Variants in GALNT18 observed in about 807,000 individuals in gnomAD.
GALNT18 encodes GalNAc-transferase 18.
GALNT18 carries 44 observed loss-of-function variants against 69.5 expected under a neutral mutation model. The observed-to-expected ratio is 0.63, with a 90% CI of 0.50 to 0.81. The LOEUF (loss-of-function observed/expected upper bound fraction) is 0.81. Ranked by LOEUF, GALNT18 falls within the 40% of genes least tolerant of loss-of-function variation. The pLI, the probability that GALNT18 is intolerant of heterozygous loss-of-function variation, is 0.00. For missense variants in GALNT18, 715 were observed against 810.0 expected, an observed-to-expected ratio of 0.88 and a Z score of 1.42; for synonymous variants, 364 against 318.2, an observed-to-expected ratio of 1.14 and a Z score of -1.53.
intron 2 of GALNT18, among the ~76,000 whole-genome samples, chr11:11,438,124 T>A (rs1590001786): frequency 1.3e-5 from 2 of 152,214 alleles, no homozygotes; most frequent in Non-Finnish European, 2.9e-5. Context: ...ATGGCCTCAC[T>A]CCAGCCTCTG....
chr11:11,372,710 G>T lies in GALNT18; in HGVS notation c.978-81C>A. ...GAGCAGTAAGGCCTTCCTATCAGGA[G>T]GGTCTGGTTCTCTTCCTTCCTTTGC... On this transcript the variant is annotated intron_variant, in intron 5 of 10. Transcript: ENST00000227756. The surrounding 1 kb of genome is among the most constrained non-coding windows in gnomAD (Gnocchi z 4.9). 9.2e-7 allele frequency: 1 copy of T among 1,083,438 alleles called. No individual in the cohort carries two copies. The allele number at this position is 1,083,438 out of a possible 1,614,324, so 67.1% of individuals were successfully genotyped here. A position where few individuals can be genotyped will look rare whatever the true frequency, so the allele number is the denominator to read the frequency against.
chr11:11,522,810 C>T (rs1857429791), intron 1 of GALNT18, among the ~76,000 whole-genome samples: 1 of 152,214 alleles, frequency 6.6e-6, no homozygotes, highest in South Asian at 2.1e-4. Context: ...CAATCTGTGC[C>T]ACTTGTTTCA....
rs980198809 is a variant in GALNT18, at chr11:11,595,149, T to C, written c.235+26210A>G. 1.3e-5 allele frequency among the ~76,000 whole-genome samples: 2 copies of C among 152,058 alleles called. No individual in the cohort carries two copies. The highest frequency in any genetic ancestry group is 2.9e-5 in the Non-Finnish European group (2 of 68,008). The stretch of plus-strand genomic sequence containing the variant: ...AAAGTGATGGTACCATTTTATATTT[T>C]GCTATGATCTGAATGTTTATTTTGC... On this transcript the variant is annotated intron_variant, in intron 1 of 10. Coordinates refer to ENST00000227756, the MANE Select transcript of GALNT18 (RefSeq NM_198516.3). This position sits in a 1 kb window ranked among gnomAD's most constrained non-coding sequence, Gnocchi z 5.2.
At chr11:11,512,197 C>T (rs558546034) in intron 1 of GALNT18, among the ~76,000 whole-genome samples, 8 of 152,162 alleles carry the variant, frequency 5.3e-5, no homozygotes, top group Non-Finnish European at 8.8e-5. Flanking sequence ...CAGGGCTGAG[C>T]CGTGTCTCCT....
At chr11:11,385,042 A>AG in intron 3 of GALNT18, among the ~76,000 whole-genome samples, 1 of 152,232 alleles carries the variant, frequency 6.6e-6, no homozygotes, top group South Asian at 2.1e-4. Context: ...GCTTCAGGTG[A>AG]GGGCCTCAGG....
chr11:11,374,442 C>G (rs1478494390), intron 5 of GALNT18, among the ~76,000 whole-genome samples: 1 of 152,210 alleles, frequency 6.6e-6, no homozygotes, highest in Admixed American at 6.5e-5. Flanking sequence ...TCTTTAAATA[C>G]GTGATGATTC....
chr11:11,473,467 C>T (rs1042857929), intron 1 of GALNT18, among the ~76,000 whole-genome samples: 8 of 152,110 alleles, frequency 5.3e-5, no homozygotes, highest in East Asian at 1.9e-4. Context: ...ATGCAAGATC[C>T]GATTAATGCT....
Position 11,396,225 on chromosome 11 carries a change from C to T in GALNT18, c.596-16961G>A, listed in dbSNP as rs1255468041. On this transcript the variant is annotated intron_variant, in intron 3 of 10. Transcript: ENST00000227756. The surrounding 1 kb of genome is among the most constrained non-coding windows in gnomAD (Gnocchi z 5.2). Reference sequence around the variant, plus strand: ...AATTTGAAAGAGCAAAGAACTGGCACGACAGCGGCTGGGTCTGTCAGTGGT... The same window carrying T: ...AATTTGAAAGAGCAAAGAACTGGCATGACAGCGGCTGGGTCTGTCAGTGGT... 6.6e-6 allele frequency among the ~76,000 whole-genome samples: 1 copy of T among 152,198 alleles called. No homozygotes were observed. Among genetic ancestry groups the T allele is most frequent in the Non-Finnish European group, 1.5e-5 (1 of 68,032 alleles).
At chr11:11,566,155 C>T (rs1479886830) in intron 1 of GALNT18, among the ~76,000 whole-genome samples, 2 of 152,142 alleles carry the variant, frequency 1.3e-5, no homozygotes, top group South Asian at 2.1e-4. Context: ...TACTGGATTA[C>T]ACAAACGTTA....
intron 6 of GALNT18, among the ~76,000 whole-genome samples, chr11:11,366,659 A>G (rs1850776740): frequency 6.6e-6 from 1 of 151,886 alleles, no homozygotes; most frequent in South Asian, 2.1e-4. Context: ...TATAGATGAA[A>G]GGTACTGCCA....
In GALNT18 at chr11:11,387,246, A is replaced by G. The variant is rs1403965108; in HGVS notation, c.596-7982T>C. Among the ~76,000 whole-genome samples, 1 of 151,682 alleles carries G rather than the reference A, an allele frequency of 6.6e-6. No individual in the cohort carries two copies. Among genetic ancestry groups the G allele is most frequent in the East Asian group, 1.9e-4 (1 of 5,190 alleles). On this transcript the variant is annotated intron_variant, in intron 3 of 10. Coordinates refer to ENST00000227756, the MANE Select transcript of GALNT18 (RefSeq NM_198516.3). The surrounding 1 kb of genome is among the most constrained non-coding windows in gnomAD (Gnocchi z 4.6). The stretch of plus-strand genomic sequence containing the variant: ...CTTTCCAGCTGCTTTTCGTTTCTCT[A>G]CTTGGCCATCTTTGGGTCTGATGTT...
chr11:11,612,305 C>A (rs1859927180), intron 1 of GALNT18, among the ~76,000 whole-genome samples: 1 of 152,214 alleles, frequency 6.6e-6, no homozygotes, highest in Non-Finnish European at 1.5e-5. Flanking sequence ...CTGGGCCAGT[C>A]CCTGACCTGC....
chr11:11,376,633 C>T (rs1215378818), intron 5 of GALNT18, among the ~76,000 whole-genome samples: 2 of 152,172 alleles, frequency 1.3e-5, no homozygotes, highest in East Asian at 3.9e-4. Flanking sequence ...CTCTCAGCCC[C>T]TCCACCCCTA....
At chr11:11,551,645 C>A (rs1858193769) in intron 1 of GALNT18, among the ~76,000 whole-genome samples, 1 of 152,166 alleles carries the variant, frequency 6.6e-6, no homozygotes, top group African/African-American at 2.4e-5. Context: ...CAGGTAACTG[C>A]CCATTTTCTG....
At position 11,617,677 on chromosome 11, in the gene GALNT18, G is replaced by A. The variant is rs545122025; in HGVS notation, c.235+3682C>T. Among the ~76,000 whole-genome samples the A allele has an allele frequency of 1.3e-5, 2 of 152,188 alleles. No individual in the cohort carries two copies. The highest frequency in any genetic ancestry group is 2.1e-4 in the South Asian group (1 of 4,806). ...TTTTTAAATATTTTCTTAAACATTG[G>A]CACATTCTTTTCCATATTCAGAAAG... is the stretch of plus-strand genomic sequence containing the variant. On this transcript the variant is annotated intron_variant, in intron 1 of 10. Coordinates refer to ENST00000227756, the MANE Select transcript of GALNT18 (RefSeq NM_198516.3). This position sits in a 1 kb window ranked among gnomAD's most constrained non-coding sequence, Gnocchi z 4.7.
intron 1 of GALNT18, among the ~76,000 whole-genome samples, chr11:11,483,689 C>T (rs968111197): frequency 1.4e-4 from 21 of 152,124 alleles, no homozygotes; most frequent in Non-Finnish European, 1.2e-4. Context: ...CTTTCTCTTC[C>T]GATTGAGGCA....
At chr11:11,456,745 C>A (rs1023418131) in intron 1 of GALNT18, among the ~76,000 whole-genome samples, 4 of 152,184 alleles carry the variant, frequency 2.6e-5, no homozygotes, top group African/African-American at 9.7e-5. Context: ...TCACTCAGGT[C>A]ATTTGCTTCC....
chr11:11,319,727 T>C (rs1199736914), intron 9 of GALNT18, among the ~76,000 whole-genome samples: 2 of 152,198 alleles, frequency 1.3e-5, no homozygotes, highest in Non-Finnish European at 2.9e-5. Flanking sequence ...GAGCCAATGA[T>C]TGGGAAGAGT....
intron 1 of GALNT18, among the ~76,000 whole-genome samples, chr11:11,508,406 T>G (rs372049394): frequency 6.6e-6 from 1 of 152,336 alleles, no homozygotes; most frequent in East Asian, 1.9e-4. Flanking sequence ...CTGCACTCCA[T>G]CAAAAGCCAC....
Sources: allele counts gnomAD v4.1 joint callset (sites outside exome capture counted in the v4.1 genomes callset), GRCh38; gene constraint gnomAD v4.1.1; non-coding constraint Gnocchi (gnomAD v3.1); transcripts MANE v1.5; gene names NCBI Gene and HGNC (gene_info 2026-07-23, HGNC 2026-07-21).